Variants in NCOA3 observed in about 807,000 individuals in gnomAD.
NCOA3 encodes CBP-interacting protein.
NCOA3 carries 51 observed loss-of-function variants against 158.8 expected under a neutral mutation model. The ratio of observed to expected loss-of-function variants is 0.32; its 90% CI spans 0.26 to 0.41. The LOEUF is 0.41. NCOA3 is among the 10% of genes least tolerant of loss of function. The probability of loss-of-function intolerance (pLI) is 1.00; values close to 1 mark genes in which losing one functional copy is unlikely to be tolerated. For synonymous variants in NCOA3, 537 were observed against 592.4 expected (o/e 0.91, Z 1.36); for missense variants, 1,510 against 1,746.6 (o/e 0.86, Z 2.41).
chr20:47,549,040 A>G (rs562203056), intron 1 of NCOA3, among the ~76,000 whole-genome samples: 1 of 152,242 alleles, frequency 6.6e-6, no homozygotes, highest in East Asian at 1.9e-4. Context: ...TGTATTTAAA[A>G]CATTTTTTAA....
chr20:47,633,953 G>C, intron 9 of NCOA3, 95 bp from the exon 10 acceptor site: 1 of 1,442,130 alleles, frequency 6.9e-7, no homozygotes, highest in Non-Finnish European at 9.4e-7. Flanking sequence ...TGGATTTTTA[G>C]AAATGTACTT....
rs1387775662 is a variant in NCOA3 at position 47,652,571 on chromosome 20, C to G, written c.4112C>G (p.Ala1371Gly). 1 of 1,607,314 alleles carries G rather than the reference C, an allele frequency of 6.2e-7. No homozygotes were observed. The highest frequency in any genetic ancestry group is 1.1e-5 in the South Asian group (1 of 90,906). Residue 1371 changes from alanine (A) to glycine (G), a missense_variant, in exon 21 of 23, where the codon GCC becomes GGC. By Grantham distance (60) the Ala-to-Gly change is moderately conservative. This residue lies in a region of NCOA3 where 180 missense variants were observed against 199.3 expected (regional missense o/e 0.90). Transcript: ENST00000371998. ...EMKGWPSGNL[A>G]RNSSFSQQQF... ...AAGGGCTGGCCATCAGGAAATTTGG[C>G]CAGGAACAGGTAAAGAACAGTGACT...
chr20:47,622,294 G>A lies in NCOA3; in HGVS notation c.47G>A (p.Arg16Gln), dbSNP rs1348905384. ...ENLDPLASDSRKRKLPCDTPG... is the reference protein window; with the variant it reads ...ENLDPLASDSQKRKLPCDTPG... ...TTGGATCCACTGGCCAGTGATTCAC[G>A]AAAACGCAAATTGCCATGTGATACT... The change falls in exon 3 of 23, where the codon CGA becomes CAA. Residue 16 changes from arginine to glutamine, a missense_variant. Transcript: ENST00000371998. 6.2e-6 allele frequency: 10 copies of A among 1,607,192 alleles called. No individual in the cohort carries two copies. The highest frequency in any genetic ancestry group is 2.3e-5 in the East Asian group (1 of 44,388).
chr20:47,560,877 A>G (rs1444471530), intron 1 of NCOA3, among the ~76,000 whole-genome samples: 1 of 151,520 alleles, frequency 6.6e-6, no homozygotes, highest in East Asian at 1.9e-4. Context: ...GGTTTTGGTT[A>G]CATTAATGAG....
chr20:47,598,897 C>T (rs2085810232), intron 2 of NCOA3, among the ~76,000 whole-genome samples: 1 of 152,210 alleles, frequency 6.6e-6, no homozygotes, highest in Non-Finnish European at 1.5e-5. Flanking sequence ...ACATATATGA[C>T]AGTGGTTCCA....
rs540001036 is a variant in NCOA3 at position 47,655,886 on chromosome 20, T to C, written c.*2469T>C. On this transcript the variant is annotated 3_prime_UTR_variant, in exon 23 of 23. Transcript: ENST00000371998. The stretch of plus-strand genomic sequence containing the variant: ...AAAAATGAAGTTTATTATAAGTTTT[T>C]ATATTTTCTACTTGTTCATTTGGTG... The C allele has an allele frequency of 1.3e-5, 2 of 152,626 alleles. No individual in the cohort carries two copies. Among genetic ancestry groups the C allele is most frequent in the East Asian group, 3.9e-4 (2 of 5,190 alleles). 9.5% of individuals were successfully genotyped at this position (152,626 alleles called of 1,614,324 possible). A position where few individuals can be genotyped will look rare whatever the true frequency, so the allele number is the denominator to read the frequency against.
At chr20:47,510,681 C>T (rs1277380928) in intron 1 of NCOA3, among the ~76,000 whole-genome samples, 1 of 151,966 alleles carries the variant, frequency 6.6e-6, no homozygotes, top group Non-Finnish European at 1.5e-5. Flanking sequence ...GCAGCCTTGA[C>T]CTACTGGGCT....
In NCOA3 at chr20:47,589,189, G is replaced by A. The variant is rs2085585650; in HGVS notation, c.-20+5928G>A. Among the ~76,000 whole-genome samples the A allele has an allele frequency of 2.0e-5, 3 of 152,148 alleles. No homozygotes were observed. The South Asian group carries it at 6.2e-4, about 32-fold the overall frequency. ...GAGTAAGCTACAGGTGTAAGCCATT[G>A]TGCCCGGCCAGAGGACCAACTTTTG... On this transcript the variant is annotated intron_variant, in intron 2 of 22. Coordinates refer to ENST00000371998, the MANE Select transcript of NCOA3 (RefSeq NM_181659.3).
chr20:47,627,764 A>G lies in NCOA3; in HGVS notation c.721+15A>G. On this transcript the variant is annotated intron_variant, in intron 7 of 22. Coordinates refer to ENST00000371998, the MANE Select transcript of NCOA3 (RefSeq NM_181659.3). Reference sequence around the variant, plus strand: ...GGAAGGGGAAGGTAAGAGCTATTATATGTTTGTGATGTTCATGAAACAAAT... The same window carrying G: ...GGAAGGGGAAGGTAAGAGCTATTATGTGTTTGTGATGTTCATGAAACAAAT... 1 of 1,606,582 alleles carries G rather than the reference A, an allele frequency of 6.2e-7. No individual in the cohort carries two copies. Among genetic ancestry groups the G allele is most frequent in the Non-Finnish European group, 8.5e-7 (1 of 1,175,258 alleles).
intron 2 of NCOA3, among the ~76,000 whole-genome samples, chr20:47,592,653 C>T (rs1458320806): frequency 6.6e-6 from 1 of 152,200 alleles, no homozygotes; most frequent in Non-Finnish European, 1.5e-5. Context: ...AGACCATTTT[C>T]TTTCCATAAT....
At chr20:47,624,665 T>TG (rs2086293409) in intron 4 of NCOA3, among the ~76,000 whole-genome samples, 1 of 152,238 alleles carries the variant, frequency 6.6e-6, no homozygotes, top group Non-Finnish European at 1.5e-5. Context: ...AGGAACTTGT[T>TG]GCTATATTTG....
chr20:47,563,731 A>T (rs887186449), intron 1 of NCOA3, among the ~76,000 whole-genome samples: 2 of 151,804 alleles, frequency 1.3e-5, no homozygotes, highest in African/African-American at 4.8e-5. Flanking sequence ...TACTAAAAAT[A>T]TAAAAAAATT....
chr20:47,641,329 T>TA (rs1282399447), intron 16 of NCOA3, among the ~76,000 whole-genome samples: 2 of 143,504 alleles, frequency 1.4e-5, no homozygotes, highest in Non-Finnish European at 3.1e-5. Context: ...CATTTCTTTT[T>TA]TTTTTTTTTT....
intron 2 of NCOA3, among the ~76,000 whole-genome samples, chr20:47,610,247 C>T (rs1409205950): frequency 4.6e-5 from 7 of 152,044 alleles, no homozygotes; most frequent in African/African-American, 1.2e-4. Context: ...TGTTTTGAGA[C>T]GGGATCTTGC....
At chr20:47,528,440 A>G (rs1430985483) in intron 1 of NCOA3, among the ~76,000 whole-genome samples, 1 of 152,220 alleles carries the variant, frequency 6.6e-6, no homozygotes, top group Non-Finnish European at 1.5e-5. Context: ...GTATAAACCT[A>G]ATGAAAAGTT....
At chr20:47,535,475 A>C (rs570087006) in intron 1 of NCOA3, among the ~76,000 whole-genome samples, 1 of 151,542 alleles carries the variant, frequency 6.6e-6, no homozygotes, top group Non-Finnish European at 1.5e-5. Flanking sequence ...GAAAGATCGG[A>C]TCACACACGG....
intron 1 of NCOA3, among the ~76,000 whole-genome samples, chr20:47,562,008 C>T (rs2085115036): frequency 6.6e-6 from 1 of 151,782 alleles, no homozygotes; most frequent in Non-Finnish European, 1.5e-5. Flanking sequence ...ATAGTTGGAA[C>T]CATAAAGTAT....
chr20:47,652,718 TC>T, intron 21 of NCOA3, 138 bp downstream of exon 21: 1 of 1,004,646 alleles, frequency 1.0e-6, no homozygotes, highest in Non-Finnish European at 1.4e-6. Context: ...ATTTGGCTTG[TC>T]CATTTTGAGA....
intron 1 of NCOA3, among the ~76,000 whole-genome samples, chr20:47,516,005 G>C (rs1308188457): frequency 3.9e-5 from 6 of 152,168 alleles, no homozygotes; most frequent in Non-Finnish European, 2.9e-5. Flanking sequence ...GGAAACACTA[G>C]AAAGATCAGT....
Sources: gnomAD v4.1 joint callset for allele counts (sites outside exome capture counted in the v4.1 genomes callset) on GRCh38, gnomAD v4.1.1 for gene constraint, gnomAD v4.1.1 regional missense constraint, MANE v1.5 for transcripts, NCBI Gene and HGNC (gene_info 2026-07-23, HGNC 2026-07-21) for gene names.